The following ADAMTSL1 variants were observed in gnomAD, a reference collection of about 807,000 sequenced individuals.
The protein encoded by ADAMTSL1 is ADAMTS-like protein 1.
ADAMTSL1 carries 126 observed loss-of-function variants against 201.8 expected under a neutral mutation model. The ratio of observed to expected loss-of-function variants is 0.62; its 90% CI spans 0.54 to 0.72. The LOEUF is 0.72. Ranked by LOEUF, ADAMTSL1 falls within the 30% of genes least tolerant of loss-of-function variation. The pLI is 0.00. For missense variants in ADAMTSL1, 2,679 were observed against 2,277.8 expected, an observed-to-expected ratio of 1.18 and a Z score of -3.59; for synonymous variants, 1,121 against 903.4, an observed-to-expected ratio of 1.24 and a Z score of -4.32.
At chr9:18,244,260 C>G (rs780948410) in intron 2 of ADAMTSL1, among the ~76,000 whole-genome samples, 1 of 152,084 alleles carries the variant, frequency 6.6e-6, no homozygotes, top group Non-Finnish European at 1.5e-5. Context: ...CTGGCACAGA[C>G]TCTCTCAAGA....
intron 1 of ADAMTSL1, among the ~76,000 whole-genome samples, chr9:17,941,902 G>A (rs776679847): frequency 2.6e-5 from 4 of 152,028 alleles, no homozygotes; most frequent in African/African-American, 4.8e-5. Flanking sequence ...GTTCTCATGT[G>A]GTAGAATGGG....
At chr9:18,868,212 T>C (rs1400242662) in intron 23 of ADAMTSL1, among the ~76,000 whole-genome samples, 1 of 152,214 alleles carries the variant, frequency 6.6e-6, no homozygotes, top group East Asian at 1.9e-4. Flanking sequence ...TATGCACACA[T>C]TTTTCTTTAA....
At chr9:18,605,524 C>T (rs534493642) in intron 4 of ADAMTSL1, among the ~76,000 whole-genome samples, 3 of 152,318 alleles carry the variant, frequency 2.0e-5, no homozygotes, top group South Asian at 4.1e-4. Context: ...TGTTTGTACT[C>T]AGCAATGGGT....
chr9:18,171,404 A>G (rs535566380), intron 2 of ADAMTSL1, among the ~76,000 whole-genome samples: 2 of 152,224 alleles, frequency 1.3e-5, no homozygotes, highest in African/African-American at 4.8e-5. Flanking sequence ...CCTGTAAAAG[A>G]AAATATTATA....
chr9:18,099,351 ATATATTT>A (rs1379460624), intron 1 of ADAMTSL1, among the ~76,000 whole-genome samples: 16 of 52,618 alleles, frequency 3.0e-4, no homozygotes, highest in African/African-American at 9.7e-4. Flanking sequence ...ATATATATAT[ATATATTT>A]TTTTTTTTTT....
At chr9:18,373,677 T>C (rs975864981) in intron 2 of ADAMTSL1, among the ~76,000 whole-genome samples, 1 of 152,148 alleles carries the variant, frequency 6.6e-6, no homozygotes, top group Non-Finnish European at 1.5e-5. Flanking sequence ...AGCCTAACCA[T>C]GCCACACCAA....
chr9:18,251,238 C>T (rs1239235152), intron 2 of ADAMTSL1, among the ~76,000 whole-genome samples: 1 of 152,094 alleles, frequency 6.6e-6, no homozygotes, highest in Non-Finnish European at 1.5e-5. Flanking sequence ...ATCTAGAACA[C>T]ACAGCATGCA....
At chr9:17,950,650 G>A (rs1269663114) in intron 1 of ADAMTSL1, among the ~76,000 whole-genome samples, 1 of 151,950 alleles carries the variant, frequency 6.6e-6, no homozygotes, top group Non-Finnish European at 1.5e-5. Flanking sequence ...TTTAATGGTT[G>A]TATAATATTT....
At chr9:18,861,730 G>C (rs748981352) in intron 23 of ADAMTSL1, among the ~76,000 whole-genome samples, 1 of 152,014 alleles carries the variant, frequency 6.6e-6, no homozygotes, top group Non-Finnish European at 1.5e-5. Flanking sequence ...AAAACCATTC[G>C]CTCTTTGGGC....
chr9:18,602,521 G>A (rs1312676801), intron 4 of ADAMTSL1, among the ~76,000 whole-genome samples: 1 of 152,184 alleles, frequency 6.6e-6, no homozygotes, highest in Non-Finnish European at 1.5e-5. Flanking sequence ...CTTCTAATCT[G>A]GTTCTGATTT....
intron 23 of ADAMTSL1, 56 bp from the exon 24 acceptor site, chr9:18,887,775 C>A (rs1828989102): frequency 1.4e-6 from 2 of 1,474,256 alleles, no homozygotes; most frequent in African/African-American, 1.4e-5. Context: ...ACCAGTGCAC[C>A]AGCAATGTGT....
At chr9:17,964,206 C>A (rs1424316543) in intron 1 of ADAMTSL1, among the ~76,000 whole-genome samples, 2 of 152,118 alleles carry the variant, frequency 1.3e-5, no homozygotes, top group Non-Finnish European at 2.9e-5. Context: ...CTTGATGGAA[C>A]ACCATGTGCT....
chr9:18,499,460 A>G (rs536316720), intron 1 of ADAMTSL1, among the ~76,000 whole-genome samples: 1 of 152,336 alleles, frequency 6.6e-6, no homozygotes, highest in South Asian at 2.1e-4. Context: ...TGATGTGGGT[A>G]GGGCAGCTAA....
At chr9:18,640,260 G>A (rs902699839) in intron 7 of ADAMTSL1, among the ~76,000 whole-genome samples, 2 of 152,110 alleles carry the variant, frequency 1.3e-5, no homozygotes, top group African/African-American at 4.8e-5. Context: ...CAGTCCAGAC[G>A]CCAGCCACAT....
chr9:18,612,219 A>G (rs1239909665), intron 4 of ADAMTSL1, among the ~76,000 whole-genome samples: 2 of 152,226 alleles, frequency 1.3e-5, no homozygotes, highest in African/African-American at 4.8e-5. Context: ...CAAGGTGACA[A>G]GTGGAAATTA....
At chr9:17,917,743 C>T (rs1826153377) in intron 1 of ADAMTSL1, among the ~76,000 whole-genome samples, 2 of 151,910 alleles carry the variant, frequency 1.3e-5, no homozygotes, top group South Asian at 4.1e-4. Context: ...TTTCTGCAAT[C>T]TCTATATGAT....
At chr9:18,898,226 T>C (rs944911436) in intron 26 of ADAMTSL1, among the ~76,000 whole-genome samples, 1 of 152,006 alleles carries the variant, frequency 6.6e-6, no homozygotes, top group African/African-American at 2.4e-5. Flanking sequence ...TTCGCTGAGC[T>C]AAAGGAGCAT....
chr9:18,403,173 T>C (rs935651789), intron 2 of ADAMTSL1, among the ~76,000 whole-genome samples: 1 of 151,986 alleles, frequency 6.6e-6, no homozygotes, highest in Admixed American at 6.6e-5. Context: ...TTTTTATTTT[T>C]CCCCATTTTA....
At chr9:18,309,321 T>G (rs146097628) in intron 2 of ADAMTSL1, among the ~76,000 whole-genome samples, 2,625 of 152,198 alleles carry the variant, frequency 0.017, 65 homozygotes, top group African/African-American at 0.058. Flanking sequence ...AACATAGTAT[T>G]GGAAGCTGTG....
Sources: allele counts gnomAD v4.1 joint callset (sites outside exome capture counted in the v4.1 genomes callset), GRCh38; gene constraint gnomAD v4.1.1; transcripts MANE v1.5; gene names NCBI Gene and HGNC (gene_info 2026-07-23, HGNC 2026-07-21).